The following EPAS1 variants were observed in gnomAD, a reference collection of about 807,000 sequenced individuals.
The protein encoded by EPAS1 is endothelial PAS domain-containing protein 1.
EPAS1 carries 23 observed loss-of-function variants against 87.9 expected under a neutral mutation model. The observed-to-expected ratio is 0.26, with a 90% confidence interval of 0.19 to 0.37. The LOEUF is 0.37. EPAS1 is among the 10% of genes least tolerant of loss of function. EPAS1 has a pLI of 1.00. For synonymous variants in EPAS1, 508 were observed against 444.3 expected (o/e 1.14, Z -1.80); for missense variants, 1,138 against 1,120.7 (o/e 1.02, Z -0.22).
chr2:46,305,904 C>G (rs1319470667), intron 1 of EPAS1, among the ~76,000 whole-genome samples: 1 of 152,100 alleles, frequency 6.6e-6, no homozygotes, highest in Non-Finnish European at 1.5e-5. Flanking sequence ...TGTAGGCTGC[C>G]CCCAGAAGCA....
intron 1 of EPAS1, among the ~76,000 whole-genome samples, chr2:46,316,425 T>C (rs563896253): frequency 7.9e-5 from 12 of 152,270 alleles, no homozygotes; most frequent in African/African-American, 2.2e-4. Flanking sequence ...CACACCCAGC[T>C]AATTTTTGTG....
intron 1 of EPAS1, among the ~76,000 whole-genome samples, chr2:46,324,596 G>C (rs1042297790): frequency 6.6e-6 from 1 of 152,232 alleles, no homozygotes; most frequent in African/African-American, 2.4e-5. Flanking sequence ...TCCCTGTTTG[G>C]CTGTGATATG....
At chr2:46,366,280 GGT>G (rs1684500713) in intron 6 of EPAS1, among the ~76,000 whole-genome samples, 1 of 152,212 alleles carries the variant, frequency 6.6e-6, no homozygotes, top group African/African-American at 2.4e-5. Context: ...TGCTGTAGGT[GGT>G]GTATTTTGAA....
At chr2:46,319,886 A>G (rs941217792) in intron 1 of EPAS1, among the ~76,000 whole-genome samples, 7 of 152,210 alleles carry the variant, frequency 4.6e-5, no homozygotes, top group Admixed American at 2.6e-4. Context: ...TTTCTTGTCT[A>G]TGTGGGAAAG....
At chr2:46,307,625 A>T (rs2104839115) in intron 1 of EPAS1, among the ~76,000 whole-genome samples, 1 of 152,158 alleles carries the variant, frequency 6.6e-6, no homozygotes, top group East Asian at 1.9e-4. Context: ...TGGCCAAGAC[A>T]TCTAAAGAAA....
At chr2:46,321,168 A>C (rs1378553644) in intron 1 of EPAS1, among the ~76,000 whole-genome samples, 3 of 152,246 alleles carry the variant, frequency 2.0e-5, no homozygotes, top group African/African-American at 7.2e-5. Context: ...TTCACTTAGC[A>C]TAATGTTTTC....
Position 46,376,531 on chromosome 2 carries a change from C to G in EPAS1, c.1035-8C>G, listed in dbSNP as rs771240354. 1.1e-5 allele frequency: 17 copies of G among 1,613,588 alleles called. No homozygotes were observed. Among genetic ancestry groups the G allele is most frequent in the Admixed American group, 1.0e-4 (6 of 59,998 alleles). On this transcript the variant is annotated splice_region_variant and splice_polypyrimidine_tract_variant and intron_variant, in intron 8 of 15. Coordinates refer to ENST00000263734, the MANE Select transcript of EPAS1 (RefSeq NM_001430.5). ...GGAAAGTCTGAATGGCTCTTTCCCC[C>G]CCATTAGTGAGATTGAGAAGAATGA...
At chr2:46,355,879 C>T (rs1402489846) in intron 2 of EPAS1, among the ~76,000 whole-genome samples, 1 of 152,212 alleles carries the variant, frequency 6.6e-6, no homozygotes, top group Non-Finnish European at 1.5e-5. Context: ...CCCTGAACCA[C>T]TCACACAGCA....
chr2:46,374,796 T>A (rs1348821404), intron 7 of EPAS1, among the ~76,000 whole-genome samples: 1 of 152,190 alleles, frequency 6.6e-6, no homozygotes, highest in Non-Finnish European at 1.5e-5. Context: ...AGATGGAACA[T>A]TCTGGACTGG....
Position 46,306,799 on chromosome 2 carries a change from C to T in EPAS1, c.26+8862C>T, listed in dbSNP as rs142524858. ...ACAAGATTTTAAAAATCACATATAT[C>T]AAATATATGGGGAAATGAGACACAA... On this transcript the variant is annotated intron_variant, in intron 1 of 15. Transcript: ENST00000263734. Among the ~76,000 whole-genome samples the T allele has an allele frequency of 3.5e-3, 540 of 152,262 alleles. 1 individual carries two copies. Among genetic ancestry groups the T allele is most frequent in the Non-Finnish European group, 6.4e-3 (433 of 68,024 alleles).
chr2:46,321,484 C>T (rs1336885949), intron 1 of EPAS1, among the ~76,000 whole-genome samples: 3 of 152,152 alleles, frequency 2.0e-5, no homozygotes, highest in Admixed American at 6.5e-5. Flanking sequence ...TACATTTTCA[C>T]GAGCAATGCA....
chr2:46,373,829 G>A (rs538758375), intron 7 of EPAS1, among the ~76,000 whole-genome samples: 14 of 152,186 alleles, frequency 9.2e-5, no homozygotes, highest in Non-Finnish European at 1.8e-4. Flanking sequence ...GCTTAGACTA[G>A]GAATCTTTAA....
intron 2 of EPAS1, among the ~76,000 whole-genome samples, chr2:46,352,331 G>A (rs1186688461): frequency 6.6e-6 from 1 of 152,236 alleles, no homozygotes; most frequent in East Asian, 1.9e-4. Context: ...GGAAGGAACT[G>A]CCCTTACACC....
chr2:46,301,824 G>GAAAAAA lies in EPAS1; in HGVS notation c.26+3897_26+3902dup, dbSNP rs3053640. 4.6e-5 allele frequency among the ~76,000 whole-genome samples: 6 copies of GAAAAAA among 131,390 alleles called. 1 individual carries two copies. Among genetic ancestry groups the GAAAAAA allele is most frequent in the Admixed American group, 1.5e-4 (2 of 13,710 alleles). The allele number at this position is 131,390 out of a possible 152,430, so 86.2% of individuals were successfully genotyped here. A position where few individuals can be genotyped will look rare whatever the true frequency, so the allele number is the denominator to read the frequency against. ...GAAGTGATGATTCTGTTTGCTTTTTGAAAAAAAAAAAAAAAGGAAGCAGAG... is the reference window on the plus strand; with the variant it reads ...GAAGTGATGATTCTGTTTGCTTTTTGAAAAAAAAAAAAAAAAAAAAAGGAAGCAGAG... On this transcript the variant is annotated intron_variant, in intron 1 of 15. Transcript: ENST00000263734.
rs564548478 is a variant in EPAS1 at position 46,322,462 on chromosome 2, G to T, written c.27-24411G>T. Reference sequence around the variant, plus strand: ...TTAGTGTGCATCAGAACTGCCTGGGGCTTATTAAAACTCAGATTACTGGAC... The same window carrying T: ...TTAGTGTGCATCAGAACTGCCTGGGTCTTATTAAAACTCAGATTACTGGAC... On this transcript the variant is annotated intron_variant, in intron 1 of 15. Transcript: ENST00000263734. Among the ~76,000 whole-genome samples, 24 of 152,192 alleles carry T rather than the reference G, an allele frequency of 1.6e-4. 1 individual carries two copies. In the South Asian group the frequency reaches 4.4e-3, roughly 28 times the overall value.
At chr2:46,330,092 T>G (rs1683645534) in intron 1 of EPAS1, among the ~76,000 whole-genome samples, 1 of 152,176 alleles carries the variant, frequency 6.6e-6, no homozygotes, top group South Asian at 2.1e-4. Context: ...ACAGGCAGAA[T>G]CATCAGTAAT....
chr2:46,362,526 C>A (rs1264274228), intron 6 of EPAS1, among the ~76,000 whole-genome samples: 1 of 152,208 alleles, frequency 6.6e-6, no homozygotes, highest in Admixed American at 6.5e-5. Flanking sequence ...TCTGCCTTGT[C>A]TTCCTCAGCT....
intron 2 of EPAS1, among the ~76,000 whole-genome samples, chr2:46,352,694 C>T (rs903796682): frequency 6.6e-6 from 1 of 152,172 alleles, no homozygotes; most frequent in African/African-American, 2.4e-5. Flanking sequence ...CAAGCAGGTG[C>T]TGTGAGGGCA....
At position 46,375,426 on chromosome 2, in the gene EPAS1, G is replaced by GTGAGC. The variant is rs1396337517; in HGVS notation, c.887-263_887-259dup. Among the ~76,000 whole-genome samples the GTGAGC allele has an allele frequency of 2.0e-5, 3 of 152,190 alleles. No individual in the cohort carries two copies. The highest frequency in any genetic ancestry group is 7.2e-5 in the African/African-American group (3 of 41,434). On this transcript the variant is annotated intron_variant, in intron 7 of 15. Transcript: ENST00000263734. This position sits in a 1 kb window ranked among gnomAD's most constrained non-coding sequence, Gnocchi z 4.1. ...TGATGGGCCACTGCAAAGCTGCATAGTGAGCGGGTCCCTCCCTCAGTAGAC... is the reference window on the plus strand; with the variant it reads ...TGATGGGCCACTGCAAAGCTGCATAGTGAGCTGAGCGGGTCCCTCCCTCAGTAGAC...
Sources: gnomAD v4.1 joint callset for allele counts (sites outside exome capture counted in the v4.1 genomes callset) on GRCh38, gnomAD v4.1.1 for gene constraint, Gnocchi (gnomAD v3.1) non-coding constraint, MANE v1.5 for transcripts, NCBI Gene and HGNC (gene_info 2026-07-23, HGNC 2026-07-21) for gene names.